Variants in CCDC192 observed in about 807,000 individuals in gnomAD.
CCDC192 encodes the protein coiled-coil domain-containing protein 192.
intron 6 of CCDC192, among the ~76,000 whole-genome samples, chr5:127,922,202 T>C (rs1210181949): frequency 6.6e-6 from 1 of 152,216 alleles, no homozygotes; most frequent in Non-Finnish European, 1.5e-5. Context: ...GTTGTGACTT[T>C]CCCTAGATTT....
intron 6 of CCDC192, among the ~76,000 whole-genome samples, chr5:127,895,928 T>G (rs563982089): frequency 1.3e-4 from 20 of 152,178 alleles, no homozygotes; most frequent in Non-Finnish European, 2.6e-4. Context: ...GGACTAATTA[T>G]TAACAGGCAA....
chr5:127,823,563 C>A (rs1227813569), intron 5 of CCDC192, among the ~76,000 whole-genome samples: 1 of 152,168 alleles, frequency 6.6e-6, no homozygotes, highest in Non-Finnish European at 1.5e-5. Context: ...CTCTACTAGG[C>A]CAGCTTTCCC....
intron 3 of CCDC192, among the ~76,000 whole-genome samples, chr5:127,777,846 A>T (rs1444635340): frequency 6.6e-6 from 1 of 151,572 alleles, no homozygotes; most frequent in Non-Finnish European, 1.5e-5. Flanking sequence ...ATCTTCTGCC[A>T]TGATTATGAG....
At chr5:127,811,051 A>G (rs895605903) in intron 5 of CCDC192, among the ~76,000 whole-genome samples, 1 of 152,138 alleles carries the variant, frequency 6.6e-6, no homozygotes, top group Non-Finnish European at 1.5e-5. Context: ...TATATACAAC[A>G]CTCAGCATCA....
At chr5:127,727,245 A>G (rs790830) in intron 2 of CCDC192, among the ~76,000 whole-genome samples, 72,180 of 151,976 alleles carry the variant, frequency 0.47, 17,845 homozygotes, top group African/African-American at 0.61. Flanking sequence ...GCCACGAGGC[A>G]GACGATCTTC....
chr5:127,863,487 A>G (rs750000609), intron 5 of CCDC192, among the ~76,000 whole-genome samples: 6 of 152,212 alleles, frequency 3.9e-5, no homozygotes, highest in Non-Finnish European at 8.8e-5. Flanking sequence ...CACTTATATG[A>G]GGTACCTAGA....
chr5:127,724,805 T>C (rs967907178), intron 2 of CCDC192, among the ~76,000 whole-genome samples: 5 of 145,982 alleles, frequency 3.4e-5, no homozygotes, highest in Non-Finnish European at 7.4e-5. Context: ...GCCGAGATAG[T>C]GCTGCTGCAC....
At chr5:127,804,739 G>A (rs116656622) in intron 5 of CCDC192, among the ~76,000 whole-genome samples, 399 of 152,268 alleles carry the variant, frequency 2.6e-3, no homozygotes, top group African/African-American at 8.8e-3. Context: ...AGATTTTGAG[G>A]ACTCATCTCA....
intron 3 of CCDC192, among the ~76,000 whole-genome samples, chr5:127,760,701 C>CA (rs56177728): frequency 0.37 from 19,370 of 52,988 alleles, 3,044 homozygotes; most frequent in South Asian, 0.41. Context: ...GATTCTGTCT[C>CA]AAAAAAAAAA....
At chr5:127,932,016 T>C (rs10045622) in intron 6 of CCDC192, among the ~76,000 whole-genome samples, 79,333 of 150,578 alleles carry the variant, frequency 0.53, 21,190 homozygotes, top group East Asian at 0.64. Flanking sequence ...TAGCCGGGAG[T>C]GGTGGTGCGC....
intron 3 of CCDC192, among the ~76,000 whole-genome samples, chr5:127,793,141 A>T (rs2126959434): frequency 6.6e-6 from 1 of 152,348 alleles, no homozygotes; most frequent in East Asian, 1.9e-4. Flanking sequence ...AATCTAAAAA[A>T]AAAGTTGAAA....
At chr5:127,932,603 T>C (rs1400789270) in intron 6 of CCDC192, among the ~76,000 whole-genome samples, 3 of 152,224 alleles carry the variant, frequency 2.0e-5, no homozygotes, top group East Asian at 3.8e-4. Context: ...ACCCTAAAGA[T>C]ACAGCAATTG....
chr5:127,899,234 A>G (rs1220591070), intron 6 of CCDC192, among the ~76,000 whole-genome samples: 1 of 152,168 alleles, frequency 6.6e-6, no homozygotes, highest in Non-Finnish European at 1.5e-5. Flanking sequence ...CAGAGGAGAA[A>G]AGAGGACCAA....
intron 3 of CCDC192, among the ~76,000 whole-genome samples, chr5:127,784,214 TA>T (rs371870249): frequency 2.0e-4 from 31 of 152,180 alleles, no homozygotes; most frequent in African/African-American, 7.0e-4. Flanking sequence ...TGAAACACAC[TA>T]AAAAAATGGT....
chr5:127,903,527 G>A (rs1753111449), intron 6 of CCDC192, among the ~76,000 whole-genome samples: 1 of 152,176 alleles, frequency 6.6e-6, no homozygotes, highest in African/African-American at 2.4e-5. Context: ...ACAGGGGTGG[G>A]CCACCGCGCC....
intron 2 of CCDC192, among the ~76,000 whole-genome samples, chr5:127,742,101 T>C (rs1753452128): frequency 6.6e-6 from 1 of 152,222 alleles, no homozygotes; most frequent in South Asian, 2.1e-4. Context: ...ATTTCCCTGT[T>C]GCCTAGTATA....
intron 5 of CCDC192, among the ~76,000 whole-genome samples, chr5:127,846,819 C>CAAAAAAAAA (rs551016691): frequency 1.1e-4 from 7 of 63,676 alleles, no homozygotes; most frequent in Admixed American, 2.1e-4. Flanking sequence ...GTCAATAAAG[C>CAAAAAAAAA]AAAAAAAAAA....
chr5:127,780,969 G>A (rs1157206612), intron 3 of CCDC192, among the ~76,000 whole-genome samples: 1 of 152,062 alleles, frequency 6.6e-6, no homozygotes, highest in East Asian at 1.9e-4. Flanking sequence ...AAGCACATAA[G>A]ATTTAAATCC....
chr5:127,933,897 T>C (rs1218646337), intron 6 of CCDC192, among the ~76,000 whole-genome samples: 2 of 152,168 alleles, frequency 1.3e-5, no homozygotes, highest in African/African-American at 2.4e-5. Flanking sequence ...TACTAGACAA[T>C]GAACGTGCCG....
Sources: allele counts gnomAD v4.1 joint callset (sites outside exome capture counted in the v4.1 genomes callset), GRCh38; gene constraint gnomAD v4.1.1; transcripts MANE v1.5; gene names NCBI Gene and HGNC (gene_info 2026-07-23, HGNC 2026-07-21).